Variants in FRMD5 observed in about 807,000 individuals in gnomAD.
The protein encoded by FRMD5 is FERM domain-containing protein 5.
Under a neutral mutation model 69.0 loss-of-function variants are expected in FRMD5, and 20 were observed. That is an observed-to-expected ratio of 0.29 (90% CI 0.20 to 0.42). FRMD5 has a LOEUF of 0.42. Ranked by LOEUF, FRMD5 falls within the 10% of genes least tolerant of loss-of-function variation. The pLI is 1.00. For synonymous variants in FRMD5, 271 were observed against 260.1 expected, an observed-to-expected ratio of 1.04 and a Z score of -0.40; for missense variants, 595 against 708.6, an observed-to-expected ratio of 0.84 and a Z score of 1.82.
At chr15:43,983,690 C>G (rs1402063561) in intron 1 of FRMD5, among the ~76,000 whole-genome samples, 1 of 152,196 alleles carries the variant, frequency 6.6e-6, no homozygotes, top group East Asian at 1.9e-4. Context: ...GCAACTGTAG[C>G]TAAGTTCGTT....
At chr15:44,104,034 A>G (rs1484186389) in intron 1 of FRMD5, among the ~76,000 whole-genome samples, 1 of 152,224 alleles carries the variant, frequency 6.6e-6, no homozygotes, top group Non-Finnish European at 1.5e-5. Flanking sequence ...TTATTATACT[A>G]TACTTTTTAT....
chr15:43,948,388 T>C (rs1286633478), intron 1 of FRMD5, among the ~76,000 whole-genome samples: 1 of 152,202 alleles, frequency 6.6e-6, no homozygotes, highest in Non-Finnish European at 1.5e-5. Flanking sequence ...CTTGTAAGCA[T>C]GGGGGAAGAA....
rs1000719631 is a variant in FRMD5, at chr15:44,115,490, T to A, written c.102+79463A>T. Among the ~76,000 whole-genome samples the A allele has an allele frequency of 4.6e-5, 7 of 152,316 alleles. 1 individual carries two copies. Among genetic ancestry groups the A allele is most frequent in the South Asian group, 4.1e-4 (2 of 4,820 alleles). On this transcript the variant is annotated intron_variant, in intron 1 of 13. Transcript: ENST00000417257. ...AAGAAAACTAGAAATAATGTTCAGA[T>A]CTTTAATAACATTTTGAGTCAATCA...
chr15:44,004,174 G>A (rs558678473), intron 1 of FRMD5, among the ~76,000 whole-genome samples: 247 of 152,268 alleles, frequency 1.6e-3, no homozygotes, highest in Admixed American at 3.8e-3. Flanking sequence ...GTCCTTACAA[G>A]AAATTTAGTA....
chr15:44,039,323 T>A (rs1892079483), intron 1 of FRMD5, among the ~76,000 whole-genome samples: 2 of 152,220 alleles, frequency 1.3e-5, no homozygotes, highest in Admixed American at 6.5e-5. Flanking sequence ...CAAGCTCTGA[T>A]AAGGGACAGG....
At chr15:43,986,563 T>C (rs1450389506) in intron 1 of FRMD5, among the ~76,000 whole-genome samples, 1 of 152,178 alleles carries the variant, frequency 6.6e-6, no homozygotes, top group Admixed American at 6.5e-5. Context: ...TTGCAGATAT[T>C]TCATGACACT....
chr15:43,913,602 G>C (rs1279886791), intron 4 of FRMD5, among the ~76,000 whole-genome samples: 1 of 152,198 alleles, frequency 6.6e-6, no homozygotes, highest in East Asian at 1.9e-4. Flanking sequence ...GCCACACAAG[G>C]GCCTAAGGAA....
intron 1 of FRMD5, among the ~76,000 whole-genome samples, chr15:44,087,630 A>G (rs1205047874): frequency 6.6e-6 from 1 of 152,070 alleles, no homozygotes; most frequent in Non-Finnish European, 1.5e-5. Context: ...CCATCCCAAA[A>G]TTGTTGTAAG....
At chr15:43,942,334 C>T (rs887684439) in intron 1 of FRMD5, among the ~76,000 whole-genome samples, 1 of 152,202 alleles carries the variant, frequency 6.6e-6, no homozygotes, top group Non-Finnish European at 1.5e-5. Flanking sequence ...CCTCCCTCTC[C>T]TAGAGCAGTC....
At chr15:44,004,342 C>T (rs1157267810) in intron 1 of FRMD5, among the ~76,000 whole-genome samples, 1 of 152,130 alleles carries the variant, frequency 6.6e-6, no homozygotes, top group Non-Finnish European at 1.5e-5. Context: ...TATTGTGACT[C>T]ACAGATACTA....
At chr15:44,096,366 C>T (rs988782647) in intron 1 of FRMD5, among the ~76,000 whole-genome samples, 1 of 151,224 alleles carries the variant, frequency 6.6e-6, no homozygotes, top group Non-Finnish European at 1.5e-5. Context: ...ACAAATGCTA[C>T]AGTGTATTAC....
intron 13 of FRMD5, among the ~76,000 whole-genome samples, chr15:43,883,441 C>T (rs550661965): frequency 1.3e-5 from 2 of 152,114 alleles, no homozygotes; most frequent in Non-Finnish European, 2.9e-5. Flanking sequence ...CTGCATGGAA[C>T]CTATAGATCC....
chr15:44,120,615 C>T (rs571404148), intron 1 of FRMD5, among the ~76,000 whole-genome samples: 8 of 151,032 alleles, frequency 5.3e-5, no homozygotes, highest in Non-Finnish European at 1.0e-4. Context: ...CTCCGCCTCC[C>T]GGGTTCACGC....
chr15:43,994,714 G>A (rs1431073040), intron 1 of FRMD5, among the ~76,000 whole-genome samples: 1 of 152,220 alleles, frequency 6.6e-6, no homozygotes, highest in Non-Finnish European at 1.5e-5. Context: ...TTAAAGGCGT[G>A]AGCCACTGCA....
At chr15:44,147,239 A>AT (rs2077370843) in intron 1 of FRMD5, among the ~76,000 whole-genome samples, 1 of 152,148 alleles carries the variant, frequency 6.6e-6, no homozygotes, top group African/African-American at 2.4e-5. Flanking sequence ...CATTTATTAA[A>AT]TAGGGAATCC....
intron 5 of FRMD5, among the ~76,000 whole-genome samples, chr15:43,906,822 C>T (rs553997826): frequency 1.9e-4 from 28 of 150,014 alleles, no homozygotes; most frequent in Admixed American, 3.3e-4. Flanking sequence ...AGGATGGTCT[C>T]GATCTCCTGA....
intron 1 of FRMD5, among the ~76,000 whole-genome samples, chr15:44,173,490 T>C (rs2077839736): frequency 6.6e-6 from 1 of 151,890 alleles, no homozygotes; most frequent in Non-Finnish European, 1.5e-5. Flanking sequence ...TACAAGTAAA[T>C]TATAGCCAAA....
chr15:44,030,772 A>T (rs1309064941), intron 1 of FRMD5, among the ~76,000 whole-genome samples: 2 of 152,174 alleles, frequency 1.3e-5, no homozygotes, highest in Non-Finnish European at 2.9e-5. Context: ...CAAAATCTGC[A>T]GTCTTTCTGT....
chr15:44,081,600 T>C (rs559042514), intron 1 of FRMD5, among the ~76,000 whole-genome samples: 1 of 152,136 alleles, frequency 6.6e-6, no homozygotes. Context: ...TGGGATTCTT[T>C]CTCTGTGCTT....
Sources: allele counts gnomAD v4.1 joint callset (sites outside exome capture counted in the v4.1 genomes callset), GRCh38; gene constraint gnomAD v4.1.1; transcripts MANE v1.5; gene names NCBI Gene and HGNC (gene_info 2026-07-23, HGNC 2026-07-21).